The following EFCAB8 variants were observed in gnomAD, a reference collection of about 807,000 sequenced individuals.
EFCAB8 encodes the protein EF-hand calcium-binding domain-containing protein 8.
Under a neutral mutation model 116.3 loss-of-function variants are expected in EFCAB8, and 100 were observed. The observed-to-expected ratio is 0.86, with a 90% CI of 0.73 to 1.02. EFCAB8 has a LOEUF of 1.02. EFCAB8 is among the 50% of genes least tolerant of loss of function. The probability of loss-of-function intolerance (pLI) is 0.00; values close to 1 mark genes in which losing one functional copy is unlikely to be tolerated. For synonymous variants in EFCAB8, 558 were observed against 567.9 expected, an observed-to-expected ratio of 0.98 and a Z score of 0.25; for missense variants, 1,320 against 1,416.9, an observed-to-expected ratio of 0.93 and a Z score of 1.10.
rs534615250 is a variant in EFCAB8 at position 32,939,597 on chromosome 20, TCTTC to T, written c.2791-4029_2791-4026del. On this transcript the variant is annotated intron_variant, in intron 22 of 26. Coordinates refer to ENST00000400522, the MANE Select transcript of EFCAB8 (RefSeq NM_001143967.2). ...CTCGCCTGGCGGGCTGGCTTTCTTTTCTTCCTTCCTTCCCTCCTTTTCTCCCTCC... is the reference window on the plus strand; with the variant it reads ...CTCGCCTGGCGGGCTGGCTTTCTTTTCTTCCTTCCCTCCTTTTCTCCCTCC... 1.4e-4 allele frequency among the ~76,000 whole-genome samples: 21 copies of T among 145,576 alleles called. 1 individual carries two copies. The South Asian group carries it at 3.9e-3, about 27-fold the overall frequency.
intron 22 of EFCAB8, among the ~76,000 whole-genome samples, chr20:32,941,179 G>A (rs1988397816): frequency 6.7e-6 from 1 of 149,198 alleles, no homozygotes; most frequent in South Asian, 2.1e-4. Flanking sequence ...TTGAACCTGG[G>A]AGGCGGAGGT....
At chr20:32,878,470 G>A (rs1390588137) in intron 4 of EFCAB8, among the ~76,000 whole-genome samples, 2 of 151,974 alleles carry the variant, frequency 1.3e-5, no homozygotes, top group Non-Finnish European at 2.9e-5. Context: ...TGGGAGAGAT[G>A]GGGTGGTGAG....
In EFCAB8 at chr20:32,923,304, G is replaced by A. The variant is rs553245694; in HGVS notation, c.2412+3089G>A. On this transcript the variant is annotated intron_variant, in intron 20 of 26. Coordinates refer to ENST00000400522, the MANE Select transcript of EFCAB8 (RefSeq NM_001143967.2). ...AGTTCGAAACCAGCCTGGGCAACAC[G>A]GTGAAACCCCGTCTCTACTAAAATA... Among the ~76,000 whole-genome samples the A allele has an allele frequency of 6.6e-5, 10 of 152,256 alleles. No homozygotes were observed. In the East Asian group the frequency reaches 1.2e-3, roughly 18 times the overall value.
intron 7 of EFCAB8, among the ~76,000 whole-genome samples, chr20:32,890,251 C>G (rs1463728177): frequency 1.4e-5 from 2 of 143,812 alleles, no homozygotes; most frequent in Non-Finnish European, 3.1e-5. Flanking sequence ...GTGCTGTGGC[C>G]TGGGTCTCTG....
At chr20:32,945,666 A>G (rs112014354) in intron 23 of EFCAB8, among the ~76,000 whole-genome samples, 43 of 151,922 alleles carry the variant, frequency 2.8e-4, no homozygotes, top group Middle Eastern at 3.4e-3. Flanking sequence ...TGTGTGCCTT[A>G]TAACTTTATA....
intron 22 of EFCAB8, among the ~76,000 whole-genome samples, chr20:32,937,270 G>A (rs1396137271): frequency 2.0e-5 from 3 of 152,044 alleles, no homozygotes; most frequent in East Asian, 1.9e-4. Flanking sequence ...ATGAGCCACT[G>A]CCCACTGCAC....
chr20:32,892,536 A>C (rs940762652), intron 8 of EFCAB8, among the ~76,000 whole-genome samples: 1 of 152,166 alleles, frequency 6.6e-6, no homozygotes. Context: ...CAAGACAGCC[A>C]CCAAATCCCA....
chr20:32,936,666 C>T (rs528082655), intron 22 of EFCAB8, among the ~76,000 whole-genome samples: 114 of 152,162 alleles, frequency 7.5e-4, no homozygotes, highest in Non-Finnish European at 1.3e-3. Flanking sequence ...TTACATTAGT[C>T]GATGTGTCTA....
intron 12 of EFCAB8, 77 bp downstream of exon 12, chr20:32,906,706 G>A: frequency 1.4e-6 from 1 of 719,296 alleles, no homozygotes; most frequent in Admixed American, 2.0e-5. Context: ...GAGCTCAGGA[G>A]AGGGCTGCAC....
chr20:32,871,358 C>T (rs1049610320), intron 3 of EFCAB8, among the ~76,000 whole-genome samples: 7 of 151,794 alleles, frequency 4.6e-5, no homozygotes, highest in Non-Finnish European at 5.9e-5. Flanking sequence ...ACTGAAGCCT[C>T]GACCTCCTGG....
chr20:32,947,288 C>G (rs1021368720), intron 23 of EFCAB8, among the ~76,000 whole-genome samples: 2 of 152,102 alleles, frequency 1.3e-5, no homozygotes, highest in Non-Finnish European at 2.9e-5. Flanking sequence ...TTTCAATATT[C>G]TCTCAATTTA....
At chr20:32,869,902 C>T (rs545541618) in intron 3 of EFCAB8, among the ~76,000 whole-genome samples, 25 of 152,214 alleles carry the variant, frequency 1.6e-4, no homozygotes, top group African/African-American at 5.5e-4. Context: ...TGTTTTCAGA[C>T]GTTTAGGTTT....
At chr20:32,880,969 G>A (rs914427900) in intron 5 of EFCAB8, among the ~76,000 whole-genome samples, 1 of 152,178 alleles carries the variant, frequency 6.6e-6, no homozygotes, top group African/African-American at 2.4e-5. Flanking sequence ...CTCCCTTATA[G>A]CAAAAGAATA....
At chr20:32,893,859 G>A (rs539661884) in intron 9 of EFCAB8, among the ~76,000 whole-genome samples, 12 of 152,290 alleles carry the variant, frequency 7.9e-5, no homozygotes, top group Non-Finnish European at 1.5e-4. Flanking sequence ...CTACTGTCAG[G>A]AGGGAGGAGC....
At position 32,917,468 on chromosome 20, in the gene EFCAB8, A is replaced by G. The variant is rs1432209187; in HGVS notation, c.2024A>G (p.Asn675Ser). The G allele has an allele frequency of 4.5e-6, 7 of 1,551,092 alleles. No individual in the cohort carries two copies. The highest frequency in any genetic ancestry group is 1.2e-5 in the South Asian group (1 of 84,034). ...TGTLKPIFNF[N>S]ASRSPSPLQP... Reference sequence around the variant, plus strand: ...ACACTCAAGCCCATCTTCAACTTCAATGCCTCTAGGAGCCCCTCGCCCTTG... The same window carrying G: ...ACACTCAAGCCCATCTTCAACTTCAGTGCCTCTAGGAGCCCCTCGCCCTTG... Residue 675 changes from asparagine (N) to serine (S), a missense_variant, in exon 18 of 27, where the codon AAT (asparagine) becomes AGT (serine). Coordinates refer to ENST00000400522, the MANE Select transcript of EFCAB8 (RefSeq NM_001143967.2).
chr20:32,869,517 T>C (rs1190033870), intron 3 of EFCAB8, among the ~76,000 whole-genome samples: 4 of 152,160 alleles, frequency 2.6e-5, no homozygotes, highest in African/African-American at 9.7e-5. Flanking sequence ...ATTACAGGCG[T>C]GAGCTGCTGT....
chr20:32,914,126 C>T (rs2146250768), intron 17 of EFCAB8, among the ~76,000 whole-genome samples: 1 of 152,366 alleles, frequency 6.6e-6, no homozygotes, highest in African/African-American at 2.4e-5. Flanking sequence ...GTGGTGGAGG[C>T]AGCCATGTCC....
intron 4 of EFCAB8, among the ~76,000 whole-genome samples, chr20:32,877,207 C>CTTTTTTTTTTTTTTTTTTTTTT (rs757130907): frequency 5.2e-5 from 6 of 115,056 alleles, no homozygotes; most frequent in Non-Finnish European, 7.2e-5. Context: ...TTATTTCTTT[C>CTTTTTTTTTTTTTTTTTTTTTT]TTTTTTTTTT....
intron 23 of EFCAB8, among the ~76,000 whole-genome samples, chr20:32,956,671 G>A (rs1988972838): frequency 6.6e-6 from 1 of 152,076 alleles, no homozygotes; most frequent in South Asian, 2.1e-4. Flanking sequence ...CTTCTTTGAA[G>A]GTAATTTGTC....
Sources: gnomAD v4.1 joint callset for allele counts (sites outside exome capture counted in the v4.1 genomes callset) on GRCh38, gnomAD v4.1.1 for gene constraint, MANE v1.5 for transcripts, NCBI Gene and HGNC (gene_info 2026-07-23, HGNC 2026-07-21) for gene names.